DIP2B: variants seen among roughly 807,000 people sequenced by gnomAD.
DIP2B encodes the protein DIP2 acetate--CoA ligase B (putative).
Under a neutral mutation model 198.0 loss-of-function variants are expected in DIP2B, and 76 were observed. The ratio of observed to expected loss-of-function variants is 0.38; its 90% CI spans 0.32 to 0.46. The LOEUF (loss-of-function observed/expected upper bound fraction) is 0.46. Among genes scored for constraint, DIP2B ranks in the 20% least tolerant of loss-of-function variants. The pLI is 0.99. For missense variants in DIP2B, 1,559 were observed against 1,978.4 expected (o/e 0.79, Z 4.02); for synonymous variants, 701 against 739.1 (o/e 0.95, Z 0.84).
chr12:50,616,452 G>C (rs965898860), intron 1 of DIP2B, among the ~76,000 whole-genome samples: 8 of 152,206 alleles, frequency 5.3e-5, no homozygotes, highest in African/African-American at 1.9e-4. Flanking sequence ...ACAGATTGTA[G>C]TAGTTTAACA....
chr12:50,577,303 G>A (rs7133687), intron 1 of DIP2B, among the ~76,000 whole-genome samples: 48,473 of 151,846 alleles, frequency 0.32, 7,916 homozygotes, highest in South Asian at 0.39. Context: ...AGGCCGAGGC[G>A]GGCGGATCAC....
chr12:50,631,464 ATCCACCTGCCTCGGCC>A (rs1938052677), intron 2 of DIP2B, among the ~76,000 whole-genome samples: 2 of 151,744 alleles, frequency 1.3e-5, no homozygotes, highest in Non-Finnish European at 2.9e-5. Context: ...TGACCTCATG[ATCCACCTGCCTCGGCC>A]TCCCAAAGAG....
At chr12:50,689,868 A>G (rs1466005521) in intron 12 of DIP2B, among the ~76,000 whole-genome samples, 1 of 152,164 alleles carries the variant, frequency 6.6e-6, no homozygotes, top group African/African-American at 2.4e-5. Flanking sequence ...AGGAGTATCA[A>G]AAAAGCAAAG....
chr12:50,715,905 T>C (rs1405874967), intron 23 of DIP2B, among the ~76,000 whole-genome samples: 1 of 152,346 alleles, frequency 6.6e-6, no homozygotes, highest in East Asian at 1.9e-4. Context: ...TACAGAATTT[T>C]ATTGGAAAAT....
intron 1 of DIP2B, among the ~76,000 whole-genome samples, chr12:50,568,511 AGT>A (rs982387431): frequency 3.3e-5 from 5 of 152,090 alleles, no homozygotes; most frequent in Non-Finnish European, 7.4e-5. Context: ...CAGCATTTTT[AGT>A]GTGTGTGTTC....
chr12:50,513,098 C>T (rs988280160), intron 1 of DIP2B, among the ~76,000 whole-genome samples: 6 of 152,128 alleles, frequency 3.9e-5, no homozygotes, highest in African/African-American at 1.2e-4. Flanking sequence ...GTATGGCGTG[C>T]GGTGAGCACT....
intron 21 of DIP2B, among the ~76,000 whole-genome samples, chr12:50,707,617 T>G (rs1410893174): frequency 6.6e-6 from 1 of 152,210 alleles, no homozygotes; most frequent in Non-Finnish European, 1.5e-5. Context: ...GTCTCTGCCC[T>G]TGTGAAGCTC....
At chr12:50,663,869 C>CT (rs1938699437) in intron 4 of DIP2B, among the ~76,000 whole-genome samples, 1 of 91,560 alleles carries the variant, frequency 1.1e-5, no homozygotes, top group Non-Finnish European at 2.2e-5. Context: ...GGCCCCATCT[C>CT]TTTAAAAAAA....
intron 1 of DIP2B, among the ~76,000 whole-genome samples, chr12:50,567,742 G>A (rs906253756): frequency 6.6e-6 from 1 of 152,144 alleles, no homozygotes; most frequent in African/African-American, 2.4e-5. Flanking sequence ...TGGCCAGGCT[G>A]GTCTCGAACT....
chr12:50,681,737 G>A (rs1939045235), intron 9 of DIP2B, among the ~76,000 whole-genome samples: 1 of 152,054 alleles, frequency 6.6e-6, no homozygotes, highest in African/African-American at 2.4e-5. Context: ...TCTTAAACTA[G>A]ACCTGTTAAA....
chr12:50,679,117 C>CAT, intron 8 of DIP2B: 1 of 492,408 alleles, frequency 2.0e-6, no homozygotes. Context: ...TTTGTACATC[C>CAT]ATAGATGTTT....
rs140135241 is a variant in DIP2B, at chr12:50,735,332, C to T, written c.4101+202C>T. On this transcript the variant is annotated intron_variant, in intron 34 of 37. Coordinates refer to ENST00000301180, the MANE Select transcript of DIP2B (RefSeq NM_173602.3). ...AGTAAATTTGAACTCTCTTAATTTC[C>T]ATCGATTTTTAAAAATCCAACTGAC... 6.6e-5 allele frequency among the ~76,000 whole-genome samples: 10 copies of T among 152,228 alleles called. No homozygotes were observed. The East Asian group carries it at 1.9e-3, about 29-fold the overall frequency.
intron 4 of DIP2B, among the ~76,000 whole-genome samples, chr12:50,664,836 G>GTTTTTTTTT (rs1159665939): frequency 8.8e-4 from 14 of 15,972 alleles, no homozygotes; most frequent in African/African-American, 2.0e-3. Flanking sequence ...TTTGGTTTTT[G>GTTTTTTTTT]TTTTTTTTTT....
At chr12:50,580,478 G>T (rs1958714978) in intron 1 of DIP2B, among the ~76,000 whole-genome samples, 2 of 146,006 alleles carry the variant, frequency 1.4e-5, no homozygotes, top group African/African-American at 2.5e-5. Context: ...TTTATATTTT[G>T]CAGAAATTTT....
chr12:50,669,660 A>C (rs1592119262), intron 4 of DIP2B, among the ~76,000 whole-genome samples: 2 of 152,146 alleles, frequency 1.3e-5, no homozygotes, highest in East Asian at 3.9e-4. Context: ...CCTGACGTCA[A>C]GTGATCCACC....
At chr12:50,641,019 G>A (rs1938247904) in intron 3 of DIP2B, among the ~76,000 whole-genome samples, 167 bp downstream of exon 3, 1 of 152,072 alleles carries the variant, frequency 6.6e-6, no homozygotes, top group South Asian at 2.1e-4. Context: ...TATGTATCAG[G>A]TATAGTAGGT....
chr12:50,692,872 T>C (rs997945173), intron 13 of DIP2B, 77 bp from the exon 14 acceptor site: 5 of 1,239,818 alleles, frequency 4.0e-6, no homozygotes, highest in Non-Finnish European at 5.8e-6. Context: ...ATCAGTTGTT[T>C]ATAAGAGGCA....
intron 1 of DIP2B, among the ~76,000 whole-genome samples, chr12:50,530,871 A>C (rs1383718741): frequency 6.6e-6 from 1 of 152,130 alleles, no homozygotes; most frequent in African/African-American, 2.4e-5. Flanking sequence ...GAGAAAATTC[A>C]GTTTTACTGA....
chr12:50,695,348 C>G lies in DIP2B; in HGVS notation c.1801C>G (p.His601Asp). 1 of 1,613,562 alleles carries G rather than the reference C, an allele frequency of 6.2e-7. No homozygotes were observed. Among genetic ancestry groups the G allele is most frequent in the East Asian group, 2.2e-5 (1 of 44,872 alleles). ...TCCTCTCTCTTGGGTCCAAAGAGTA[C>G]ATGCTCACAAAGGTAGTCACCTGCA... ...TCPLSWVQRV[H>D]AHKAKVALVK... The change falls in exon 15 of 38, where the codon CAT becomes GAT. Residue 601 changes from histidine to aspartate, a missense_variant. Transcript: ENST00000301180.
Sources: allele counts gnomAD v4.1 joint callset (sites outside exome capture counted in the v4.1 genomes callset), GRCh38; gene constraint gnomAD v4.1.1; transcripts MANE v1.5; gene names NCBI Gene and HGNC (gene_info 2026-07-23, HGNC 2026-07-21).